The following FKBP1B variants were observed in gnomAD, a reference collection of about 807,000 sequenced individuals.
FKBP1B encodes FKBP prolyl isomerase 1B.
FKBP1B carries 4 observed loss-of-function variants against 13.5 expected under a neutral mutation model. That is an observed-to-expected ratio of 0.30 (90% CI 0.15 to 0.68). The LOEUF is 0.68. Among genes scored for constraint, FKBP1B ranks in the 30% least tolerant of loss-of-function variants. The probability of loss-of-function intolerance (pLI) is 0.76; values close to 1 mark genes in which losing one functional copy is unlikely to be tolerated. For synonymous variants in FKBP1B, 54 were observed against 53.6 expected, an observed-to-expected ratio of 1.01 and a Z score of -0.03; for missense variants, 93 against 136.2, an observed-to-expected ratio of 0.68 and a Z score of 1.58.
chr2:24,060,717 G>A lies in FKBP1B; in HGVS notation c.86-97G>A. ...GGGGAGGATCGGAAGAGGAGCAGGT[G>A]TGTGCAGAAAAGGCATTCCATTTTA... On this transcript the variant is annotated intron_variant, in intron 2 of 3. Coordinates refer to ENST00000380986, the MANE Select transcript of FKBP1B (RefSeq NM_004116.5). 4.9e-6 allele frequency: 4 copies of A among 822,114 alleles called. No homozygotes were observed. The East Asian group carries it at 1.0e-4, about 21-fold the overall frequency. 50.9% of individuals were successfully genotyped at this position (822,114 alleles called of 1,614,324 possible).
the FKBP1B span, among the ~76,000 whole-genome samples, chr2:24,033,495 G>C: frequency 6.6e-6 from 1 of 152,162 alleles, no homozygotes; most frequent in African/African-American, 2.4e-5. Flanking sequence ...AGTACCAAAA[G>C]TTTGGGAGGC....
At chr2:24,048,866 A>C (rs1663719764), upstream of FKBP1B, among the ~76,000 whole-genome samples, 1 of 152,146 alleles carries the variant, frequency 6.6e-6, no homozygotes, top group Admixed American at 6.5e-5. Flanking sequence ...TCTCAGACTT[A>C]GTACCTGGAA....
At chr2:24,039,227 GC>G in the FKBP1B span, 1 of 1,614,234 alleles carries the variant, frequency 6.2e-7, no homozygotes, top group South Asian at 1.1e-5. Flanking sequence ...CTGGGACACA[GC>G]TGCCACACAG....
chr2:24,037,887 T>G, the FKBP1B span: 1 of 1,614,050 alleles, frequency 6.2e-7, no homozygotes, highest in Non-Finnish European at 8.5e-7. Context: ...GAGGCTCCAG[T>G]GTGCTGGTGT....
upstream of FKBP1B, among the ~76,000 whole-genome samples, chr2:24,048,679 A>T (rs1481427019): frequency 3.3e-5 from 5 of 152,132 alleles, no homozygotes; most frequent in South Asian, 2.1e-4. Flanking sequence ...GGGGGAAAAA[A>T]TTTTAAAAGT....
upstream of FKBP1B, among the ~76,000 whole-genome samples, chr2:24,048,693 A>G (rs759524862): frequency 1.8e-4 from 28 of 152,048 alleles, no homozygotes; most frequent in Non-Finnish European, 4.0e-4. Flanking sequence ...TAAAAGTCCC[A>G]ATTACCCTTT....
intron 3 of FKBP1B, 28 bp from the exon 4 acceptor site, chr2:24,063,036 T>A (rs993974339): frequency 1.7e-5 from 27 of 1,614,078 alleles, no homozygotes; most frequent in Non-Finnish European, 2.3e-5. Context: ...CTCTTTCTCC[T>A]CTCCCCATCT....
rs1345249085 is a variant in FKBP1B, at chr2:24,050,986, TC to T, written c.37+1103del. On this transcript the variant is annotated intron_variant, in intron 1 of 3. Transcript: ENST00000380986. The surrounding 1 kb of genome is among the most constrained non-coding windows in gnomAD (Gnocchi z 5.8). ...TAATCTCCCCATCTTCAGTCTCTCC[TC>T]CCTGCTTTCAATCTCGTCCCCAATC... Among the ~76,000 whole-genome samples the T allele has an allele frequency of 6.6e-6, 1 of 152,206 alleles. No homozygotes were observed. Among genetic ancestry groups the T allele is most frequent in the South Asian group, 2.1e-4 (1 of 4,836 alleles).
At chr2:24,062,737 C>A (rs1239240578) in intron 3 of FKBP1B, among the ~76,000 whole-genome samples, 2 of 152,068 alleles carry the variant, frequency 1.3e-5, no homozygotes, top group African/African-American at 4.8e-5. Context: ...CCTAAAGAGG[C>A]CTATTCTTTG....
chr2:24,051,549 C>T (rs1015654614), intron 1 of FKBP1B, among the ~76,000 whole-genome samples: 2 of 152,166 alleles, frequency 1.3e-5, no homozygotes, highest in Admixed American at 1.3e-4. Flanking sequence ...GTCAAACACA[C>T]CACTCGTTCA....
the FKBP1B span, among the ~76,000 whole-genome samples, chr2:24,037,117 T>A: frequency 6.6e-6 from 1 of 152,340 alleles, no homozygotes; most frequent in East Asian, 1.9e-4. Context: ...AACCTGTGCC[T>A]CCCGGGCTCA....
At chr2:24,052,648 T>A (rs1663931681) in intron 1 of FKBP1B, among the ~76,000 whole-genome samples, 2 of 152,198 alleles carry the variant, frequency 1.3e-5, no homozygotes, top group African/African-American at 4.8e-5. Context: ...TTTTGTATAT[T>A]TAAGTATTGT....
the FKBP1B span, among the ~76,000 whole-genome samples, chr2:24,034,161 C>T: frequency 6.0e-3 from 910 of 152,218 alleles, 6 homozygotes; most frequent in South Asian, 0.034. Flanking sequence ...TGGCTCACGC[C>T]TGTAATCCCA....
At chr2:24,038,255 G>A in the FKBP1B span, 1 of 1,614,162 alleles carries the variant, frequency 6.2e-7, no homozygotes, top group Non-Finnish European at 8.5e-7. Flanking sequence ...GAAGAAGGAA[G>A]AAATGTTGTA....
rs1663762028 is a variant in FKBP1B at position 24,049,787 on chromosome 2, C to CT, written c.-63_-62insT. 3 of 1,285,014 alleles carry CT rather than the reference C, an allele frequency of 2.3e-6. 1 individual carries two copies. Among genetic ancestry groups the CT allele is most frequent in the African/African-American group, 1.5e-5 (1 of 64,732 alleles). The allele number at this position is 1,285,014 out of a possible 1,614,324, so 79.6% of individuals were successfully genotyped here. On this transcript the variant is annotated 5_prime_UTR_variant, in exon 1 of 4. Coordinates refer to ENST00000380986, the MANE Select transcript of FKBP1B (RefSeq NM_004116.5). ...GCCGGAGCGACGGCGGGGCTGGGGC[C>CT]GGAGCCGAGCCGGGGTCGGGCAGCA... is the stretch of plus-strand genomic sequence containing the variant.
rs550264292 is a variant in FKBP1B at position 24,050,714 on chromosome 2, A to G, written c.37+828A>G. 6.6e-5 allele frequency among the ~76,000 whole-genome samples: 10 copies of G among 152,300 alleles called. No homozygotes were observed. In the South Asian group the frequency reaches 1.0e-3, roughly 16 times the overall value. On this transcript the variant is annotated intron_variant, in intron 1 of 3. Transcript: ENST00000380986. The surrounding 1 kb of genome is among the most constrained non-coding windows in gnomAD (Gnocchi z 5.8). Reference sequence around the variant, plus strand: ...CTTTATTTCTTGAAATTTAATTAATACCAAAGCCCCCATTGTCTGCAGGGT... The same window carrying G: ...CTTTATTTCTTGAAATTTAATTAATGCCAAAGCCCCCATTGTCTGCAGGGT...
chr2:24,042,333 C>T, the FKBP1B span, among the ~76,000 whole-genome samples: 6 of 151,602 alleles, frequency 4.0e-5, no homozygotes, highest in Non-Finnish European at 5.9e-5. Flanking sequence ...GTCAGGAGAT[C>T]GAGACCATCC....
chr2:24,035,345 A>T, the FKBP1B span, among the ~76,000 whole-genome samples: 3 of 152,102 alleles, frequency 2.0e-5, no homozygotes, highest in Admixed American at 6.5e-5. Context: ...GGAAATAAAA[A>T]TACATAACTA....
the FKBP1B span, among the ~76,000 whole-genome samples, chr2:24,039,858 C>T: frequency 6.6e-6 from 1 of 152,014 alleles, no homozygotes; most frequent in Middle Eastern, 3.4e-3. Context: ...AGTGCAATGG[C>T]ACAATCTCGG....
Sources: gnomAD v4.1 joint callset for allele counts (sites outside exome capture counted in the v4.1 genomes callset) on GRCh38, gnomAD v4.1.1 for gene constraint, Gnocchi (gnomAD v3.1) non-coding constraint, MANE v1.5 for transcripts, NCBI Gene and HGNC (gene_info 2026-07-23, HGNC 2026-07-21) for gene names.